NACA: variants seen among roughly 807,000 people sequenced by gnomAD.
NACA encodes nascent polypeptide associated complex subunit alpha, also known as nascent polypeptide-associated complex subunit alpha.
In NACA, 42 loss-of-function variants were observed where a neutral mutation model predicts 86.4. That is an observed-to-expected ratio of 0.49 (90% CI 0.38 to 0.63). The LOEUF is 0.63. NACA is among the 20% of genes least tolerant of loss of function. NACA has a pLI of 0.00. For synonymous variants in NACA, 898 were observed against 973.7 expected (o/e 0.92, Z 1.45); for missense variants, 2,157 against 2,483.6 (o/e 0.87, Z 2.80).
chr12:56,719,785 A>G lies in NACA; in HGVS notation c.1745T>C (p.Ile582Thr). The change falls in exon 3 of 9, where the codon ATA (isoleucine) becomes ACA (threonine). Residue 582 changes from isoleucine (I) to threonine (T), a missense_variant. Ile to Thr is a moderately conservative substitution (Grantham distance 89). This residue lies in a region of NACA where 947 missense variants were observed against 917.9 expected (regional missense o/e 1.03). Transcript: ENST00000454682. ...TAGGGTGGCTTCAGGAGAAAGAGGT[A>G]TCTCTGGAGAAGAGGATGTACTTTG... The part of the protein sequence containing the change: ...SFQSTSSSPE[I>T]PLSPEATLAK... 1.2e-6 allele frequency: 2 copies of G among 1,613,776 alleles called. No individual in the cohort carries two copies. Among genetic ancestry groups the G allele is most frequent in the Non-Finnish European group, 1.7e-6 (2 of 1,179,844 alleles).
In NACA at chr12:56,716,429, G is replaced by C. The variant is rs557295893; in HGVS notation, c.5101C>G (p.Arg1701Gly). The change falls in exon 3 of 9, where the codon CGG becomes GGG. Residue 1701 changes from arginine to glycine, a missense_variant. Transcript: ENST00000454682. Reference sequence around the variant, plus strand: ...CTCTTTTTGGTCTGTGGACCTTTCCGAGTGGGAGCTGTGATGATTGGCGTG... The same window carrying C: ...CTCTTTTTGGTCTGTGGACCTTTCCCAGTGGGAGCTGTGATGATTGGCGTG... ...ESTPIITAPTRKGPQTKKSSA... is the reference protein window; with the variant it reads ...ESTPIITAPTGKGPQTKKSSA... 1.9e-6 allele frequency: 3 copies of C among 1,590,604 alleles called. No homozygotes were observed. The African/African-American group carries it at 4.0e-5, about 21-fold the overall frequency.
At chr12:56,713,413 G>T in intron 6 of NACA, 124 bp downstream of exon 6, 1 of 1,362,640 alleles carries the variant, frequency 7.3e-7, no homozygotes. Flanking sequence ...GGAGTTTTTG[G>T]GTAATCAAAA....
Position 56,716,085 on chromosome 12 carries a change from T to G in NACA, c.5445A>C (p.Gln1815His). The G allele has an allele frequency of 6.2e-7, 1 of 1,612,980 alleles. No individual in the cohort carries two copies. Among genetic ancestry groups the G allele is most frequent in the Non-Finnish European group, 8.5e-7 (1 of 1,179,412 alleles). The change falls in exon 3 of 9, where the codon CAA (glutamine) becomes CAC (histidine). Residue 1815 changes from glutamine (Q) to histidine (H), a missense_variant. Physicochemically the swap from Gln to His is conservative, Grantham distance 24. This residue lies in a region of NACA where 797 missense variants were observed against 777.6 expected (regional missense o/e 1.02). Transcript: ENST00000454682. ...SPVPTLPPKQ[Q>H]FLPSSPGLVL... is the part of the protein sequence containing the mutation. ...CCAGCCCAGGAGAGGACGGCAGAAA[T>G]TGCTGTTTAGGAGGCAGAGTGGGAA...
chr12:56,714,303 A>G, intron 5 of NACA, 59 bp downstream of exon 5: 1 of 1,544,474 alleles, frequency 6.5e-7, no homozygotes. Flanking sequence ...ATGGAAATAA[A>G]CAGTTCCACT....
In NACA at chr12:56,716,054, C is replaced by CCA; in HGVS notation, c.5474_5475dup (p.Glu1826TrpfsTer19). ...GGGGCAAGGGGTTTAGAGGGTGATTCCAACACCAGCCCAGGAGAGGACGGC... is the reference window on the plus strand; with the variant it reads ...GGGGCAAGGGGTTTAGAGGGTGATTCCACAACACCAGCCCAGGAGAGGACGGC... On this transcript the variant is annotated frameshift_variant, in exon 3 of 9. Transcript: ENST00000454682. LOFTEE classifies it high-confidence loss of function. The CCA allele has an allele frequency of 6.2e-7, 1 of 1,610,868 alleles. No individual in the cohort carries two copies.
At chr12:56,723,777 C>A (rs1170266804) in intron 2 of NACA, among the ~76,000 whole-genome samples, 1 of 152,142 alleles carries the variant, frequency 6.6e-6, no homozygotes, top group Non-Finnish European at 1.5e-5. Context: ...TTTTCATTAC[C>A]TCCTCCTAAG....
chr12:56,723,190 T>A (rs1204642413), intron 2 of NACA, among the ~76,000 whole-genome samples: 1 of 152,226 alleles, frequency 6.6e-6, no homozygotes, highest in Non-Finnish European at 1.5e-5. Context: ...TAATAGACTA[T>A]CATTACAGAT....
At position 56,720,084 on chromosome 12, in the gene NACA, G is replaced by A. The variant is rs1953528886; in HGVS notation, c.1446C>T (p.Ala482=). The change falls in exon 3 of 9, where the codon GCC becomes GCT. Residue 482 remains alanine, a synonymous_variant. Coordinates refer to ENST00000454682, the MANE Select transcript of NACA (RefSeq NM_001365896.1). ...ISNIEPTSPA[A]LVMAPVAPKE... is the part of the protein sequence containing the mutation. ...TGGGAGCCACAGGTGCCATAACCAA[G>A]GCAGCAGGGGAAGTTGGTTCTATGT... The A allele has an allele frequency of 6.2e-7, 1 of 1,613,836 alleles. No individual in the cohort carries two copies. Among genetic ancestry groups the A allele is most frequent in the South Asian group, 1.1e-5 (1 of 91,078 alleles).
At chr12:56,715,403 A>C (rs760264449) in intron 3 of NACA, among the ~76,000 whole-genome samples, 24 of 152,198 alleles carry the variant, frequency 1.6e-4, no homozygotes, top group Admixed American at 3.9e-4. Flanking sequence ...CTACATTTTT[A>C]TGAAAAGGGA....
intron 7 of NACA, 72 bp downstream of exon 7, chr12:56,712,990 T>C (rs1034010346): frequency 1.2e-6 from 2 of 1,611,004 alleles, no homozygotes; most frequent in Non-Finnish European, 1.7e-6. Flanking sequence ...AATCTAGTTT[T>C]TAATATAGCT....
In NACA at chr12:56,712,709, AT is replaced by A. The variant is rs933549764; in HGVS notation, c.6222+76del. 3 of 1,607,722 alleles carry A rather than the reference AT, an allele frequency of 1.9e-6. No homozygotes were observed. The African/African-American group carries it at 4.0e-5, about 22-fold the overall frequency. ...GAATGAGGTTCCTTAATTGGCTGATATTTAGCAAGACAAAATAAAGTCACTC... is the reference window on the plus strand; with the variant it reads ...GAATGAGGTTCCTTAATTGGCTGATATTAGCAAGACAAAATAAAGTCACTC... On this transcript the variant is annotated intron_variant, in intron 8 of 8. Transcript: ENST00000454682.
Position 56,718,974 on chromosome 12 carries a change from C to A in NACA, c.2556G>T (p.Thr852=), listed in dbSNP as rs1386705660. Residue 852 remains threonine (T), a synonymous_variant, in exon 3 of 9, where the codon ACG becomes ACT. Coordinates refer to ENST00000454682, the MANE Select transcript of NACA (RefSeq NM_001365896.1). ...SFQGSKDSPA[T]THSPTPPSPK... ...GGGATGGAGGAGTGGGAGAATGCGTCGTGGCTGGTGAGTCTTTAGAGCCTT... is the reference window on the plus strand; with the variant it reads ...GGGATGGAGGAGTGGGAGAATGCGTAGTGGCTGGTGAGTCTTTAGAGCCTT... The A allele has an allele frequency of 6.9e-7, 1 of 1,447,062 alleles. No individual in the cohort carries two copies. Among genetic ancestry groups the A allele is most frequent in the Non-Finnish European group, 9.3e-7 (1 of 1,071,268 alleles). 89.6% of individuals were successfully genotyped at this position (1,447,062 alleles called of 1,614,324 possible).
Position 56,720,845 on chromosome 12 carries a change from A to T in NACA, c.685T>A (p.Ser229Thr). 3 of 1,613,928 alleles carry T rather than the reference A, an allele frequency of 1.9e-6. No individual in the cohort carries two copies. The highest frequency in any genetic ancestry group is 1.7e-6 in the Non-Finnish European group (2 of 1,179,874). ...GTTGTGGGTGTTGTCTGAGGAAGGG[A>T]GGCCACTCCAGATTGAATAGAGGCC... ...PMASIQSGVA[S>T]LPQTTPTTTL... The change falls in exon 3 of 9, where the codon TCC becomes ACC. Residue 229 changes from serine (S) to threonine (T), a missense_variant. This residue lies in a region of NACA where 947 missense variants were observed against 917.9 expected (regional missense o/e 1.03). Coordinates refer to ENST00000454682, the MANE Select transcript of NACA (RefSeq NM_001365896.1).
rs4902 is a variant in NACA, at chr12:56,714,419, A to G, written c.5766T>C (p.Ile1922=). The G allele has an allele frequency of 0.64, 1,025,237 of 1,613,476 alleles. 329,804 individuals are homozygous for G. Among genetic ancestry groups the G allele is most frequent in the South Asian group, 0.74 (67,169 of 91,074 alleles). The part of the protein sequence containing the change: ...QQAQLAAAAE[I]DEEPVSKAKQ... The stretch of plus-strand genomic sequence containing the variant: ...TTGCTTTACTGACTGGTTCTTCATC[A>G]ATTTCAGCTGCTGCCGCCAGCTAAG... Residue 1922 remains isoleucine (I), a synonymous_variant, in exon 5 of 9, where the codon ATT becomes ATC. Coordinates refer to ENST00000454682, the MANE Select transcript of NACA (RefSeq NM_001365896.1).
chr12:56,712,590 C>T (rs1565890554), intron 8 of NACA, 38 bp from the exon 9 acceptor site: 2 of 1,611,798 alleles, frequency 1.2e-6, no homozygotes, highest in Admixed American at 1.7e-5. Context: ...TTCTTATAGG[C>T]AAATCAGGAG....
rs1004375836 is a variant in NACA, at chr12:56,724,576, G to T, written c.-2-53C>A. On this transcript the variant is annotated intron_variant, in intron 1 of 8. Transcript: ENST00000454682. ...TAAATTGATTGGGATACATTCACTT[G>T]CCCAACCCGGAGATAAGTATTCTTA... 24 of 1,545,034 alleles carry T rather than the reference G, an allele frequency of 1.6e-5. No homozygotes were observed. The African/African-American group carries it at 3.1e-4, about 20-fold the overall frequency.
intron 1 of NACA, chr12:56,724,753 G>T: frequency 1.9e-6 from 1 of 525,782 alleles, no homozygotes. Context: ...CCGAGGGAGA[G>T]GATCCCGGGC....
chr12:56,723,539 A>G (rs754500582), intron 2 of NACA, among the ~76,000 whole-genome samples: 3 of 152,178 alleles, frequency 2.0e-5, no homozygotes, highest in Non-Finnish European at 2.9e-5. Context: ...TGTCCTTCCT[A>G]GCAGCTGTAT....
In NACA at chr12:56,719,821, G is replaced by A. The variant is rs772713395; in HGVS notation, c.1709C>T (p.Ser570Phe). ...AGAGGATGTACTTTGGAAAGAAGGG[G>A]AATTTTTAGGGGCTGCCTGGACTAA... ...LPLVQAAPKNSPSFQSTSSSP... is the reference protein window; with the variant it reads ...LPLVQAAPKNFPSFQSTSSSP... The change falls in exon 3 of 9, where the codon TCC becomes TTC. Residue 570 changes from serine to phenylalanine, a missense_variant. Ser to Phe is a radical substitution (Grantham distance 155, BLOSUM62 -2). This residue lies in a region of NACA where 947 missense variants were observed against 917.9 expected (regional missense o/e 1.03). Coordinates refer to ENST00000454682, the MANE Select transcript of NACA (RefSeq NM_001365896.1). The A allele has an allele frequency of 1.9e-6, 3 of 1,613,852 alleles. No individual in the cohort carries two copies. Among genetic ancestry groups the A allele is most frequent in the Non-Finnish European group, 2.5e-6 (3 of 1,179,854 alleles).
Sources: allele counts gnomAD v4.1 joint callset (sites outside exome capture counted in the v4.1 genomes callset), GRCh38; gene constraint gnomAD v4.1.1; regional missense constraint gnomAD v4.1.1; transcripts MANE v1.5; gene names NCBI Gene and HGNC (gene_info 2026-07-23, HGNC 2026-07-21).